WDPCP: variants seen among roughly 807,000 people sequenced by gnomAD.
The protein encoded by WDPCP is WD repeat containing planar cell polarity effector, also known as WD repeat-containing and planar cell polarity effector protein fritz homolog.
A neutral mutation model predicts 93.1 loss-of-function variants in WDPCP; 71 were observed. The ratio of observed to expected loss-of-function variants is 0.76; its 90% confidence interval spans 0.63 to 0.93. The LOEUF (loss-of-function observed/expected upper bound fraction) is 0.93, where lower values mean the gene tolerates loss of function less well. Among genes scored for constraint, WDPCP ranks in the 40% least tolerant of loss-of-function variants. The pLI is 0.00. For missense variants in WDPCP, 844 were observed against 887.4 expected (o/e 0.95, Z 0.62); for synonymous variants, 315 against 315.0 (o/e 1.00, Z 0.00).
intron 14 of WDPCP, among the ~76,000 whole-genome samples, chr2:63,244,491 A>G (rs1680113148): frequency 6.6e-6 from 1 of 152,194 alleles, no homozygotes; most frequent in Non-Finnish European, 1.5e-5. Context: ...CAACGAAAAA[A>G]AGAGAGATCC....
intron 13 of WDPCP, among the ~76,000 whole-genome samples, chr2:63,294,588 C>T (rs181513644): frequency 1.5e-3 from 221 of 145,966 alleles, no homozygotes; most frequent in Non-Finnish European, 2.7e-3. Flanking sequence ...AATTGTCCTT[C>T]AAAAGTGAAG....
intron 2 of WDPCP, among the ~76,000 whole-genome samples, chr2:63,799,469 A>T (rs562584840): frequency 6.6e-6 from 1 of 152,306 alleles, no homozygotes; most frequent in East Asian, 1.9e-4. Flanking sequence ...CCTTGACTTC[A>T]GTCTTTCCTT....
chr2:63,495,006 A>C (rs1701140445), intron 1 of WDPCP, among the ~76,000 whole-genome samples: 1 of 151,992 alleles, frequency 6.6e-6, no homozygotes, highest in African/African-American at 2.4e-5. Context: ...TGAAGTAGGA[A>C]AGGGTAAGGA....
intron 16 of WDPCP, 56 bp from the exon 17 acceptor site, chr2:63,153,001 G>T: frequency 6.6e-7 from 1 of 1,519,244 alleles, no homozygotes; most frequent in Non-Finnish European, 9.1e-7. Flanking sequence ...TGGACCTTAA[G>T]AAAATTTTTT....
intron 2 of WDPCP, among the ~76,000 whole-genome samples, chr2:63,760,511 ACTACTCATTTTGG>A (rs1201536005): frequency 6.6e-6 from 1 of 152,026 alleles, no homozygotes; most frequent in Non-Finnish European, 1.5e-5. Context: ...AGATTCCATA[ACTACTCATTTTGG>A]CTATTAAAAC....
intron 3 of WDPCP, among the ~76,000 whole-genome samples, chr2:63,621,400 T>G (rs1709736203): frequency 6.6e-6 from 1 of 151,750 alleles, no homozygotes; most frequent in African/African-American, 2.4e-5. Flanking sequence ...ATAGCCGAAT[T>G]GATCAAGCAG....
At chr2:63,240,579 C>T (rs960620454) in intron 14 of WDPCP, among the ~76,000 whole-genome samples, 3 of 152,164 alleles carry the variant, frequency 2.0e-5, no homozygotes, top group Admixed American at 6.6e-5. Flanking sequence ...TTATACTCCA[C>T]ACTAGCTACA....
Position 63,509,507 on chromosome 2 carries a change from C to T in WDPCP, c.76-16567G>A, listed in dbSNP as rs180869167. On this transcript the variant is annotated intron_variant, in intron 1 of 17. Transcript: ENST00000272321. ...GAAAGATCGAAAACTGACACCCTAA[C>T]ATCACAATTAAAATAATTAGAGAAG... Among the ~76,000 whole-genome samples, 661 of 152,230 alleles carry T rather than the reference C, an allele frequency of 4.3e-3. 1 individual carries two copies. Among genetic ancestry groups the T allele is most frequent in the Middle Eastern group, 0.017 (5 of 294 alleles).
Position 63,583,209 on chromosome 2 carries a change from G to T in WDPCP, c.75+4988C>A, listed in dbSNP as rs759628146. 5.9e-5 allele frequency among the ~76,000 whole-genome samples: 9 copies of T among 152,024 alleles called. 1 individual carries two copies. The highest frequency in any genetic ancestry group is 1.0e-4 in the Non-Finnish European group (7 of 68,012). On this transcript the variant is annotated intron_variant, in intron 1 of 17. Coordinates refer to ENST00000272321, the MANE Select transcript of WDPCP (RefSeq NM_015910.7). ...AAATACACTATGATAAAGGATGTATGCTATAAACCCTACAACAGTCACTAA... is the reference window on the plus strand; with the variant it reads ...AAATACACTATGATAAAGGATGTATTCTATAAACCCTACAACAGTCACTAA...
chr2:63,237,810 C>A (rs1679527782), intron 14 of WDPCP, among the ~76,000 whole-genome samples: 1 of 152,006 alleles, frequency 6.6e-6, no homozygotes, highest in Admixed American at 6.6e-5. Flanking sequence ...GGGAACAGCA[C>A]ACACTGGTGG....
At chr2:63,746,661 A>G (rs1669802692) in intron 2 of WDPCP, among the ~76,000 whole-genome samples, 1 of 152,104 alleles carries the variant, frequency 6.6e-6, no homozygotes, top group African/African-American at 2.4e-5. Context: ...TAGGGATGAA[A>G]CACGCCCTAG....
chr2:63,272,219 G>A (rs1358345677), intron 13 of WDPCP, among the ~76,000 whole-genome samples: 1 of 152,068 alleles, frequency 6.6e-6, no homozygotes, highest in Non-Finnish European at 1.5e-5. Flanking sequence ...AGCAACTGAG[G>A]AATTAACAGA....
chr2:63,724,176 G>A (rs1395667193), intron 2 of WDPCP, among the ~76,000 whole-genome samples: 1 of 152,136 alleles, frequency 6.6e-6, no homozygotes, highest in Non-Finnish European at 1.5e-5. Flanking sequence ...ATACATAGTT[G>A]TTCATTGCTG....
chr2:63,819,529 G>C (rs1670988640), intron 1 of WDPCP, among the ~76,000 whole-genome samples: 1 of 152,168 alleles, frequency 6.6e-6, no homozygotes, highest in South Asian at 2.1e-4. Flanking sequence ...ATCTCCTGGA[G>C]GACTTGTATT....
intron 2 of WDPCP, among the ~76,000 whole-genome samples, chr2:63,768,601 G>T (rs555555409): frequency 2.6e-5 from 4 of 152,124 alleles, no homozygotes; most frequent in Admixed American, 2.6e-4. Flanking sequence ...TTCCCCAGGT[G>T]CTTTTAATGT....
intron 1 of WDPCP, among the ~76,000 whole-genome samples, chr2:63,565,761 C>T (rs942119841): frequency 1.5e-4 from 23 of 152,044 alleles, no homozygotes; most frequent in African/African-American, 5.6e-4. Flanking sequence ...AAGTTGTAAA[C>T]CTGAGCAGGT....
At chr2:63,500,136 A>G (rs1701452273) in intron 1 of WDPCP, among the ~76,000 whole-genome samples, 1 of 152,230 alleles carries the variant, frequency 6.6e-6, no homozygotes, top group African/African-American at 2.4e-5. Context: ...TGAAACACAC[A>G]TAGAAACAGG....
intron 1 of WDPCP, among the ~76,000 whole-genome samples, chr2:63,509,705 G>A (rs1427744596): frequency 6.6e-6 from 1 of 151,980 alleles, no homozygotes; most frequent in Non-Finnish European, 1.5e-5. Flanking sequence ...AAGGAGAAAA[G>A]AGAGAAGAAT....
At chr2:63,722,127 T>C (rs1474838447) in intron 2 of WDPCP, among the ~76,000 whole-genome samples, 2 of 152,200 alleles carry the variant, frequency 1.3e-5, no homozygotes, top group South Asian at 2.1e-4. Flanking sequence ...AGTGCCGAGA[T>C]TGCAGCCTCT....
Sources: allele counts gnomAD v4.1 joint callset (sites outside exome capture counted in the v4.1 genomes callset), GRCh38; gene constraint gnomAD v4.1.1; transcripts MANE v1.5; gene names NCBI Gene and HGNC (gene_info 2026-07-23, HGNC 2026-07-21).